POU6F2: variants seen among roughly 807,000 people sequenced by gnomAD.
The protein encoded by POU6F2 is POU domain, class 6, transcription factor 2.
In POU6F2, 31 loss-of-function variants were observed where a neutral mutation model predicts 71.3. That is an observed-to-expected ratio of 0.43 (90% CI 0.33 to 0.59). The LOEUF is 0.59. POU6F2 is among the 20% of genes least tolerant of loss of function. The pLI is 0.04. For missense variants in POU6F2, 783 were observed against 856.8 expected (o/e 0.91, Z 1.07); for synonymous variants, 347 against 355.7 (o/e 0.98, Z 0.27).
At chr7:39,205,633 A>C (rs559593353) in intron 3 of POU6F2, among the ~76,000 whole-genome samples, 5 of 152,336 alleles carry the variant, frequency 3.3e-5, no homozygotes, top group African/African-American at 1.2e-4. Context: ...TTTTGTATAC[A>C]TTCCCGAAGT....
chr7:39,261,552 C>T (rs1273022181), intron 4 of POU6F2, among the ~76,000 whole-genome samples: 1 of 152,138 alleles, frequency 6.6e-6, no homozygotes, highest in East Asian at 1.9e-4. Flanking sequence ...CAGGTAGGAA[C>T]CGTTATCAAC....
At chr7:39,285,651 T>C (rs1268845625) in intron 4 of POU6F2, among the ~76,000 whole-genome samples, 2 of 152,210 alleles carry the variant, frequency 1.3e-5, no homozygotes, top group Non-Finnish European at 2.9e-5. Flanking sequence ...ATGTTTTAAA[T>C]CATGTGAGTT....
At chr7:39,085,820 C>CT (rs748372913) in intron 1 of POU6F2, 40 bp from the exon 2 acceptor site, 457 of 1,550,788 alleles carry the variant, frequency 2.9e-4, no homozygotes, top group Admixed American at 1.5e-3. Flanking sequence ...AAATCTGCCA[C>CT]TTTTTTTTTC....
rs566688641 is a variant in POU6F2, at chr7:39,142,922, AACAG to A, written c.277+56896_277+56899del. On this transcript the variant is annotated intron_variant, in intron 2 of 9. Transcript: ENST00000518318. ...AAATCATATGTACATTTATTTATCT[AACAG>A]ACAGTTAAAGCAATAATTTGCTAAC... Among the ~76,000 whole-genome samples the A allele has an allele frequency of 5.1e-3, 775 of 152,358 alleles. 7 individuals are homozygous for A. The highest frequency in any genetic ancestry group is 0.018 in the African/African-American group (743 of 41,594).
At chr7:39,035,815 AAAG>A (rs1469070219) in intron 1 of POU6F2, among the ~76,000 whole-genome samples, 1 of 152,174 alleles carries the variant, frequency 6.6e-6, no homozygotes, top group Admixed American at 6.5e-5. Context: ...TAATTTATTA[AAAG>A]AAGATGAGAG....
chr7:39,037,436 A>G (rs770528446), intron 1 of POU6F2, among the ~76,000 whole-genome samples: 7 of 152,146 alleles, frequency 4.6e-5, no homozygotes, highest in Non-Finnish European at 1.0e-4. Context: ...CAAACTGCTC[A>G]TGAGCCATTT....
chr7:39,082,716 AC>A (rs1357165645), intron 1 of POU6F2, among the ~76,000 whole-genome samples: 2 of 150,368 alleles, frequency 1.3e-5, no homozygotes, highest in East Asian at 2.0e-4. Context: ...TTTCAAATGG[AC>A]CCCCCAGTGG....
At chr7:39,022,594 T>G (rs1789701875) in intron 1 of POU6F2, among the ~76,000 whole-genome samples, 1 of 152,126 alleles carries the variant, frequency 6.6e-6, no homozygotes, top group Non-Finnish European at 1.5e-5. Flanking sequence ...TTCTAAAGCT[T>G]CTTGTAAGTG....
intron 2 of POU6F2, among the ~76,000 whole-genome samples, chr7:39,159,698 A>G (rs1231615240): frequency 6.6e-6 from 1 of 151,622 alleles, no homozygotes; most frequent in Non-Finnish European, 1.5e-5. Context: ...AGATGATAAT[A>G]GATAGTAACA....
intron 7 of POU6F2, among the ~76,000 whole-genome samples, chr7:39,450,262 A>G (rs1264026975): frequency 6.6e-6 from 1 of 152,208 alleles, no homozygotes; most frequent in African/African-American, 2.4e-5. Context: ...CTCTCCCACC[A>G]AAGTTGAGGT....
intron 5 of POU6F2, among the ~76,000 whole-genome samples, chr7:39,376,720 A>G (rs757869414): frequency 3.9e-5 from 6 of 152,222 alleles, no homozygotes; most frequent in Non-Finnish European, 8.8e-5. Flanking sequence ...AATAGTGGCA[A>G]TCACAACACT....
At chr7:39,013,357 A>C (rs1471489087) in intron 1 of POU6F2, 1 of 152,366 alleles carries the variant, frequency 6.6e-6, no homozygotes, top group Non-Finnish European at 1.5e-5. Context: ...GCGCTTCCCA[A>C]GTGAGGCAAT....
chr7:39,432,616 T>C (rs28651247), intron 6 of POU6F2, among the ~76,000 whole-genome samples: 50,728 of 151,600 alleles, frequency 0.33, 9,539 homozygotes, highest in East Asian at 0.58. Context: ...AGCTGGATGT[T>C]GGTGGAGGGA....
intron 4 of POU6F2, among the ~76,000 whole-genome samples, chr7:39,291,746 G>A (rs73695251): frequency 0.058 from 8,811 of 152,204 alleles, 332 homozygotes; most frequent in South Asian, 0.18. Context: ...AAGGAGCCAA[G>A]TCCCAGATAA....
chr7:39,070,884 C>T (rs1790865416), intron 1 of POU6F2, among the ~76,000 whole-genome samples: 1 of 152,130 alleles, frequency 6.6e-6, no homozygotes, highest in African/African-American at 2.4e-5. Flanking sequence ...ATTTTAGCTG[C>T]AAGAGGGCCC....
At position 39,339,674 on chromosome 7, in the gene POU6F2, C is replaced by CTCCA. The variant is rs1391551265; in HGVS notation, c.632_635dup (p.Gln212HisfsTer96). The CTCCA allele has an allele frequency of 6.3e-7, 1 of 1,598,870 alleles. No homozygotes were observed. ...ATCCCTGAACTCCCAGCTCCAGCAG[C>CTCCA]TCCAGCTCCAGCTCCAGCAGCAGCA... On this transcript the variant is annotated frameshift_variant, in exon 5 of 10. Coordinates refer to ENST00000518318, the MANE Select transcript of POU6F2 (RefSeq NM_001370959.1). LOFTEE classifies it high-confidence loss of function.
intron 6 of POU6F2, among the ~76,000 whole-genome samples, chr7:39,409,454 T>C (rs1787505751): frequency 6.6e-6 from 1 of 152,200 alleles, no homozygotes; most frequent in African/African-American, 2.4e-5. Context: ...TAGTTAAGAC[T>C]TTGAATTCAG....
intron 5 of POU6F2, among the ~76,000 whole-genome samples, chr7:39,377,726 G>A (rs1786738337): frequency 9.5e-6 from 1 of 105,756 alleles, no homozygotes; most frequent in South Asian, 3.2e-4. Context: ...CCTGAAACAT[G>A]TAGGTTTAAC....
chr7:39,071,603 C>T (rs1338746241), intron 1 of POU6F2, among the ~76,000 whole-genome samples: 1 of 151,442 alleles, frequency 6.6e-6, no homozygotes, highest in Non-Finnish European at 1.5e-5. Flanking sequence ...CACTTGAACC[C>T]AGGAGTTCAA....
Sources: allele counts gnomAD v4.1 joint callset (sites outside exome capture counted in the v4.1 genomes callset), GRCh38; gene constraint gnomAD v4.1.1; transcripts MANE v1.5; gene names NCBI Gene and HGNC (gene_info 2026-07-23, HGNC 2026-07-21).